SLC25A26: variants seen among roughly 807,000 people sequenced by gnomAD.
SLC25A26 encodes the protein mitochondrial S-adenosylmethionine carrier protein.
A neutral mutation model predicts 37.8 loss-of-function variants in SLC25A26; 36 were observed. The ratio of observed to expected loss-of-function variants is 0.95; its 90% CI spans 0.73 to 1.26. The LOEUF (loss-of-function observed/expected upper bound fraction) is 1.26. Among genes scored for constraint, SLC25A26 ranks in the 50% most tolerant of loss-of-function variants. SLC25A26 has a pLI of 0.00. For missense variants in SLC25A26, 390 were observed against 331.1 expected, an observed-to-expected ratio of 1.18 and a Z score of -1.38; for synonymous variants, 129 against 122.5, an observed-to-expected ratio of 1.05 and a Z score of -0.35.
intron 5 of SLC25A26, among the ~76,000 whole-genome samples, chr3:66,271,406 T>A (rs1034193734): frequency 6.6e-6 from 1 of 152,176 alleles, no homozygotes; most frequent in Non-Finnish European, 1.5e-5. Flanking sequence ...CTCTGGCTAA[T>A]TGACTCATGG....
intron 7 of SLC25A26, among the ~76,000 whole-genome samples, chr3:66,369,040 A>C (rs1349933900): frequency 1.6e-4 from 4 of 25,372 alleles, no homozygotes; most frequent in Non-Finnish European, 2.7e-4. Flanking sequence ...AAAAAAAAAA[A>C]AAACAAAAAC....
At chr3:66,359,921 ACT>A (rs1310099514) in intron 6 of SLC25A26, among the ~76,000 whole-genome samples, 1 of 152,162 alleles carries the variant, frequency 6.6e-6, no homozygotes, top group Non-Finnish European at 1.5e-5. Flanking sequence ...TGATAGCTGC[ACT>A]CTCAGTGCAG....
intron 5 of SLC25A26, among the ~76,000 whole-genome samples, chr3:66,315,221 T>C (rs1348564666): frequency 1.3e-5 from 2 of 152,142 alleles, no homozygotes; most frequent in Non-Finnish European, 2.9e-5. Context: ...TGTTAGGCTG[T>C]CAGTTTGAGA....
Position 66,158,877 on chromosome 3 carries a change from AGTCTGCACACAAGCAG to A in SLC25A26, c.-354+24895_-354+24910del, listed in dbSNP as rs1208866818. ...CAAGAAGTTCCTGAAGCCTGCTAAG[AGTCTGCACACAAGCAG>A]GATGCACTGGGATCCAAGTGACCAG... On this transcript the variant is annotated intron_variant, in intron 1 of 10. Transcript: ENST00000676754. 9.9e-5 allele frequency among the ~76,000 whole-genome samples: 15 copies of A among 152,204 alleles called. No individual in the cohort carries two copies. In the East Asian group the frequency reaches 2.9e-3, roughly 30 times the overall value.
intron 1 of SLC25A26, among the ~76,000 whole-genome samples, chr3:66,140,116 G>T (rs2070012048): frequency 6.6e-6 from 1 of 152,192 alleles, no homozygotes; most frequent in South Asian, 2.1e-4. Context: ...TTTCATGGTG[G>T]CTTCATTTGC....
chr3:66,322,055 T>G (rs924168553), intron 5 of SLC25A26, among the ~76,000 whole-genome samples: 2 of 152,018 alleles, frequency 1.3e-5, no homozygotes, highest in African/African-American at 4.8e-5. Flanking sequence ...ACTGCCACAT[T>G]GGGGATCAAA....
chr3:66,148,017 A>C (rs1276137344), intron 1 of SLC25A26, among the ~76,000 whole-genome samples: 1 of 152,026 alleles, frequency 6.6e-6, no homozygotes, highest in Non-Finnish European at 1.5e-5. Flanking sequence ...TCAGCCTCCC[A>C]AAGTGTTGGG....
intron 6 of SLC25A26, among the ~76,000 whole-genome samples, chr3:66,351,259 T>C (rs941453068): frequency 1.3e-5 from 2 of 152,200 alleles, no homozygotes; most frequent in African/African-American, 4.8e-5. Flanking sequence ...CTGTGCTACA[T>C]CATTTCCTTT....
rs184650505 is a variant in SLC25A26 at position 66,347,382 on chromosome 3, A to G, written c.498+974A>G. On this transcript the variant is annotated intron_variant, in intron 6 of 9. Coordinates refer to ENST00000354883, the MANE Select transcript of SLC25A26 (RefSeq NM_001379210.1). ...ACAAACATATGAGAAAAAGCTCAACATCACTGATTATTAGAGAAATGCAAA... is the reference window on the plus strand; with the variant it reads ...ACAAACATATGAGAAAAAGCTCAACGTCACTGATTATTAGAGAAATGCAAA... Among the ~76,000 whole-genome samples the G allele has an allele frequency of 6.6e-5, 10 of 152,370 alleles. No individual in the cohort carries two copies. The East Asian group carries it at 1.3e-3, about 21-fold the overall frequency.
chr3:66,256,583 A>C (rs1432998638), intron 3 of SLC25A26, among the ~76,000 whole-genome samples: 1 of 152,142 alleles, frequency 6.6e-6, no homozygotes, highest in Non-Finnish European at 1.5e-5. Flanking sequence ...ATAGGCAATA[A>C]ATATATGTAG....
At chr3:66,162,789 G>A (rs1026557934) in intron 1 of SLC25A26, among the ~76,000 whole-genome samples, 1 of 152,222 alleles carries the variant, frequency 6.6e-6, no homozygotes, top group African/African-American at 2.4e-5. Context: ...TGTGGAGGTG[G>A]TGAGGATAAT....
At chr3:66,209,998 C>G (rs1228197167) in intron 1 of SLC25A26, among the ~76,000 whole-genome samples, 31,519 of 124,738 alleles carry the variant, frequency 0.25, 4,364 homozygotes, top group African/African-American at 0.35. Context: ...ATAGCAATAC[C>G]AATCCCCTAG....
rs370331885 is a variant in SLC25A26, at chr3:66,243,221, C to T, written c.209C>T (p.Thr70Ile). ...SFPNAAAFFI[T>I]YEYVKWFLHA... ...ATTTCAGCTGCTGCATTTTTTATCA[C>T]CTATGAATATGTGAAGTGGTTTTTG... Residue 70 changes from threonine to isoleucine, a missense_variant, in exon 3 of 10, where the codon ACC becomes ATC. Thr to Ile is a moderately conservative substitution (Grantham distance 89). Transcript: ENST00000354883. The T allele has an allele frequency of 1.2e-6, 2 of 1,601,526 alleles. No homozygotes were observed. Among genetic ancestry groups the T allele is most frequent in the African/African-American group, 1.3e-5 (1 of 74,682 alleles).
At chr3:66,358,275 T>C (rs555704388) in intron 6 of SLC25A26, among the ~76,000 whole-genome samples, 2 of 152,378 alleles carry the variant, frequency 1.3e-5, no homozygotes, top group South Asian at 2.1e-4. Context: ...TGTTGTTTTA[T>C]GAGTTTAAGG....
In SLC25A26 at chr3:66,191,663, G is replaced by A. The variant is rs1010464507; in HGVS notation, c.-353-29079G>A. On this transcript the variant is annotated intron_variant, in intron 1 of 10. Transcript: ENST00000676754. Reference sequence around the variant, plus strand: ...CCAGCACTTTGGGAGGGTGAGGTGGGTGGATCATTTGAGGTCAGGAGTTCA... The same window carrying A: ...CCAGCACTTTGGGAGGGTGAGGTGGATGGATCATTTGAGGTCAGGAGTTCA... 1.8e-3 allele frequency among the ~76,000 whole-genome samples: 275 copies of A among 151,740 alleles called. 1 individual carries two copies. The highest frequency in any genetic ancestry group is 6.4e-3 in the African/African-American group (266 of 41,430).
rs184557953 is a variant in SLC25A26, at chr3:66,242,959, G to A, written c.191-244G>A. On this transcript the variant is annotated intron_variant, in intron 2 of 9. Coordinates refer to ENST00000354883, the MANE Select transcript of SLC25A26 (RefSeq NM_001379210.1). ...GTACAACACGGTAAGTGCTAGATTAGCACTTGTGCTCCTTCAGGGTAGGTG... is the reference window on the plus strand; with the variant it reads ...GTACAACACGGTAAGTGCTAGATTAACACTTGTGCTCCTTCAGGGTAGGTG... Among the ~76,000 whole-genome samples the A allele has an allele frequency of 3.5e-4, 54 of 152,292 alleles. 1 individual carries two copies. The highest frequency in any genetic ancestry group is 9.8e-4 in the Admixed American group (15 of 15,292).
intron 1 of SLC25A26, among the ~76,000 whole-genome samples, chr3:66,137,399 T>G (rs1016068837): frequency 1.3e-5 from 2 of 151,910 alleles, no homozygotes; most frequent in Admixed American, 6.6e-5. Flanking sequence ...GGTAATTTCT[T>G]GTATTTTTAG....
intron 1 of SLC25A26, among the ~76,000 whole-genome samples, chr3:66,134,945 C>G (rs992916440): frequency 2.0e-5 from 3 of 152,068 alleles, no homozygotes; most frequent in Non-Finnish European, 2.9e-5. Context: ...ATTCTCCTGC[C>G]TCAGCCTCCC....
chr3:66,167,602 A>G lies in SLC25A26; in HGVS notation c.-354+33618A>G, dbSNP rs981094973. On this transcript the variant is annotated intron_variant, in intron 1 of 10. Transcript: ENST00000676754. The stretch of plus-strand genomic sequence containing the variant: ...TATTATAAGGGCCAAGTAAAATAAA[A>G]TTTTTGAAAGCCCTACACAAAAGAT... Among the ~76,000 whole-genome samples the G allele has an allele frequency of 2.0e-5, 3 of 152,196 alleles. No homozygotes were observed. The East Asian group carries it at 5.8e-4, about 29-fold the overall frequency.
Sources: gnomAD v4.1 joint callset for allele counts (sites outside exome capture counted in the v4.1 genomes callset) on GRCh38, gnomAD v4.1.1 for gene constraint, MANE v1.5 for transcripts, NCBI Gene and HGNC (gene_info 2026-07-23, HGNC 2026-07-21) for gene names.